The following IDE variants were observed in gnomAD, a reference collection of about 807,000 sequenced individuals.
IDE encodes insulin-degrading enzyme.
IDE carries 58 observed loss-of-function variants against 133.2 expected under a neutral mutation model. That is an observed-to-expected ratio of 0.44 (90% confidence interval 0.35 to 0.54). The LOEUF (loss-of-function observed/expected upper bound fraction) is 0.54, where lower values mean the gene tolerates loss of function less well. Among genes scored for constraint, IDE ranks in the 20% least tolerant of loss-of-function variants. The pLI, the probability that IDE is intolerant of heterozygous loss-of-function variation, is 0.00. For synonymous variants in IDE, 396 were observed against 421.3 expected (o/e 0.94, Z 0.73); for missense variants, 981 against 1,234.0 (o/e 0.79, Z 3.07).
At chr10:92,456,076 C>T (rs1393087926) in intron 23 of IDE, among the ~76,000 whole-genome samples, 1 of 152,230 alleles carries the variant, frequency 6.6e-6, no homozygotes, top group Admixed American at 6.5e-5. Context: ...CTTACCCATA[C>T]TCCCCACATG....
chr10:92,536,026 ACT>A (rs756858120), intron 2 of IDE, among the ~76,000 whole-genome samples: 6 of 150,754 alleles, frequency 4.0e-5, no homozygotes, highest in Admixed American at 2.6e-4. Context: ...ACAGAGTGAG[ACT>A]CTGTCTCAGA....
intron 22 of IDE, among the ~76,000 whole-genome samples, chr10:92,458,860 G>A (rs1845192448): frequency 6.6e-6 from 1 of 151,960 alleles, no homozygotes; most frequent in African/African-American, 2.4e-5. Context: ...TTGAACTCCT[G>A]GGCTCTAGCG....
chr10:92,510,018 A>G (rs1848501469), intron 6 of IDE, 32 bp downstream of exon 6: 1 of 1,088,112 alleles, frequency 9.2e-7, no homozygotes, highest in East Asian at 2.4e-5. Flanking sequence ...CCATAAATTA[A>G]GAAGACAAAA....
chr10:92,459,334 T>C (rs1412827949), intron 22 of IDE, among the ~76,000 whole-genome samples: 1 of 152,158 alleles, frequency 6.6e-6, no homozygotes, highest in Non-Finnish European at 1.5e-5. Context: ...TTAGAAACCC[T>C]AGTACAGGAG....
intron 13 of IDE, among the ~76,000 whole-genome samples, chr10:92,483,758 C>G (rs1846764990): frequency 6.6e-6 from 1 of 152,134 alleles, no homozygotes; most frequent in Non-Finnish European, 1.5e-5. Context: ...TGGTCCCCTC[C>G]CACACTACAC....
At chr10:92,470,383 T>C in intron 17 of IDE, 38 bp from the exon 18 acceptor site, 1 of 1,362,846 alleles carries the variant, frequency 7.3e-7, no homozygotes, top group Non-Finnish European at 1.0e-6. Flanking sequence ...GCGCTACCTA[T>C]GAGGGATTTT....
chr10:92,536,177 G>A lies in IDE; in HGVS notation c.283+1189C>T, dbSNP rs1454644301. Among the ~76,000 whole-genome samples, 4 of 152,202 alleles carry A rather than the reference G, an allele frequency of 2.6e-5. No homozygotes were observed. In the East Asian group the frequency reaches 7.7e-4, roughly 29 times the overall value. On this transcript the variant is annotated intron_variant, in intron 2 of 24. Coordinates refer to ENST00000265986, the MANE Select transcript of IDE (RefSeq NM_004969.4). ...GCGGGTGGATCACCTGAGGTCAGGA[G>A]TTCGAGACCAGCCTGGCCAACGTGG... is the stretch of plus-strand genomic sequence containing the variant.
rs759995080 is a variant in IDE at position 92,534,685 on chromosome 10, G to A, written c.384C>T (p.Ser128=). The A allele has an allele frequency of 9.9e-6, 16 of 1,612,152 alleles. No homozygotes were observed. The Admixed American group carries it at 2.7e-4, about 27-fold the overall frequency. The stretch of plus-strand genomic sequence containing the variant: ...TTCCTGCATGCTCACTGAGAAACTG[G>A]CTGTATTCATTTTCTTTAGGGTATT... ...TKKYPKENEY[S]QFLSEHAGSS... The change falls in exon 3 of 25, where the codon AGC becomes AGT. Residue 128 remains serine (S), a synonymous_variant. Transcript: ENST00000265986.
intron 21 of IDE, among the ~76,000 whole-genome samples, chr10:92,462,781 T>C (rs1221357159): frequency 6.6e-6 from 1 of 152,166 alleles, no homozygotes; most frequent in Non-Finnish European, 1.5e-5. Flanking sequence ...TAATAACTAC[T>C]TAATAAGGGC....
chr10:92,548,315 T>G (rs751811333), intron 1 of IDE, among the ~76,000 whole-genome samples: 1 of 128,840 alleles, frequency 7.8e-6, no homozygotes, highest in Non-Finnish European at 1.5e-5. Flanking sequence ...ACCAAGATTG[T>G]GCCACTGCAC....
chr10:92,485,417 CCTAACT>C (rs1253776100), intron 13 of IDE, among the ~76,000 whole-genome samples: 1 of 152,072 alleles, frequency 6.6e-6, no homozygotes, highest in Admixed American at 6.6e-5. Flanking sequence ...CTGCATCTGG[CCTAACT>C]TAAATGTTGT....
chr10:92,455,726 A>T, intron 23 of IDE, 83 bp from the exon 24 acceptor site: 1 of 830,162 alleles, frequency 1.2e-6, no homozygotes, highest in Non-Finnish European at 2.0e-6. Flanking sequence ...AACCAGACTC[A>T]GTTAATTAAA....
chr10:92,569,304 C>A (rs1843685314), intron 1 of IDE, among the ~76,000 whole-genome samples: 1 of 152,194 alleles, frequency 6.6e-6, no homozygotes, highest in Admixed American at 6.5e-5. Flanking sequence ...TGAACTTGAT[C>A]TTGAAATAGC....
chr10:92,517,367 T>C (rs1385382300), intron 4 of IDE, among the ~76,000 whole-genome samples: 1 of 152,148 alleles, frequency 6.6e-6, no homozygotes, highest in East Asian at 1.9e-4. Context: ...ATCATATGCA[T>C]TCATACTCAC....
chr10:92,537,851 G>GT (rs968609172), intron 1 of IDE, among the ~76,000 whole-genome samples: 4 of 151,758 alleles, frequency 2.6e-5, no homozygotes, highest in African/African-American at 4.8e-5. Context: ...CTAGAATAGA[G>GT]TTTTTTTTGC....
chr10:92,502,728 T>A (rs1848091594), intron 11 of IDE, among the ~76,000 whole-genome samples: 1 of 152,228 alleles, frequency 6.6e-6, no homozygotes, highest in Non-Finnish European at 1.5e-5. Flanking sequence ...GTTCACTGAA[T>A]GGAAAAGGAA....
rs189482412 is a variant in IDE at position 92,470,447 on chromosome 10, C to T, written c.2117-102G>A. ...AGACTTGCAAAAATAGTACACAGAG[C>T]TCCTGTAAACACTTCACCTAGTTTT... is the stretch of plus-strand genomic sequence containing the variant. On this transcript the variant is annotated intron_variant, in intron 17 of 24. Transcript: ENST00000265986. 1,009 of 563,612 alleles carry T rather than the reference C, an allele frequency of 1.8e-3. 8 individuals carry two copies. Among genetic ancestry groups the T allele is most frequent in the African/African-American group, 0.017 (905 of 53,058 alleles). 34.9% of individuals were successfully genotyped at this position (563,612 alleles called of 1,614,324 possible). A position where few individuals can be genotyped will look rare whatever the true frequency, so the allele number is the denominator to read the frequency against.
At chr10:92,487,049 GT>G (rs1847039285) in intron 13 of IDE, 146 bp downstream of exon 13, 1 of 678,252 alleles carries the variant, frequency 1.5e-6, no homozygotes, top group Non-Finnish European at 2.4e-6. Context: ...ATTTTTTGTA[GT>G]TATTCTTTCT....
At chr10:92,561,490 G>A (rs952272209) in intron 1 of IDE, among the ~76,000 whole-genome samples, 2 of 151,254 alleles carry the variant, frequency 1.3e-5, no homozygotes, top group African/African-American at 2.4e-5. Context: ...GGCAGCTCAC[G>A]CCTGTAATCC....
Sources: allele counts gnomAD v4.1 joint callset (sites outside exome capture counted in the v4.1 genomes callset), GRCh38; gene constraint gnomAD v4.1.1; transcripts MANE v1.5; gene names NCBI Gene and HGNC (gene_info 2026-07-23, HGNC 2026-07-21).